The following BTBD8 variants were observed in gnomAD, a reference collection of about 807,000 sequenced individuals.
BTBD8 encodes the protein BTB/POZ domain-containing protein 8.
Under a neutral mutation model 162.9 loss-of-function variants are expected in BTBD8, and 110 were observed. The ratio of observed to expected loss-of-function variants is 0.68; its 90% CI spans 0.58 to 0.79. The LOEUF is 0.79. Among genes scored for constraint, BTBD8 ranks in the 30% least tolerant of loss-of-function variants. The pLI is 0.00. For missense variants in BTBD8, 1,905 were observed against 2,085.4 expected, an observed-to-expected ratio of 0.91 and a Z score of 1.68; for synonymous variants, 667 against 716.1, an observed-to-expected ratio of 0.93 and a Z score of 1.10.
At position 92,168,947 on chromosome 1, in the gene BTBD8, G is replaced by C. The variant is rs544838062; in HGVS notation, c.1525G>C (p.Glu509Gln). ...VQSFYAVRHT[E>Q]SWKLMSTDDQ... is the part of the protein sequence containing the mutation. ...GTCTTTCTATGCTGTTCGTCACACAGAAAGCTGGAAGCTGATGAGCACAGA... is the reference window on the plus strand; with the variant it reads ...GTCTTTCTATGCTGTTCGTCACACACAAAGCTGGAAGCTGATGAGCACAGA... Residue 509 changes from glutamate (E) to glutamine (Q), a missense_variant, in exon 12 of 18, where the codon GAA becomes CAA. Around this residue, in one of 3 missense-constraint regions of BTBD8, gnomAD observed 1,374 missense variants for 1,442.7 expected, o/e 0.95. Transcript: ENST00000636805. 20 of 1,543,730 alleles carry C rather than the reference G, an allele frequency of 1.3e-5. No homozygotes were observed. Among genetic ancestry groups the C allele is most frequent in the Non-Finnish European group, 1.6e-5 (18 of 1,141,164 alleles).
At chr1:92,180,063 A>G (rs1650838154) in intron 16 of BTBD8, among the ~76,000 whole-genome samples, 1 of 152,024 alleles carries the variant, frequency 6.6e-6, no homozygotes, top group African/African-American at 2.4e-5. Context: ...GTCCCTCTAT[A>G]TTTTTAATTG....
In BTBD8 at chr1:92,168,858, G is replaced by T; in HGVS notation, c.1444-8G>T. ...CTCACCAGCTGCTGATTTGTTGCTTGAACACAGGGTTTTACGTGCAAGATC... is the reference window on the plus strand; with the variant it reads ...CTCACCAGCTGCTGATTTGTTGCTTTAACACAGGGTTTTACGTGCAAGATC... On this transcript the variant is annotated splice_polypyrimidine_tract_variant and splice_region_variant and intron_variant, in intron 11 of 17. Coordinates refer to ENST00000636805, the MANE Select transcript of BTBD8 (RefSeq NM_001376131.1). 2 of 1,503,582 alleles carry T rather than the reference G, an allele frequency of 1.3e-6. No individual in the cohort carries two copies. The highest frequency in any genetic ancestry group is 2.5e-5 in the South Asian group (2 of 78,748). 93.1% of individuals were successfully genotyped at this position (1,503,582 alleles called of 1,614,324 possible). A position where few individuals can be genotyped will look rare whatever the true frequency, so the allele number is the denominator to read the frequency against.
intron 3 of BTBD8, among the ~76,000 whole-genome samples, chr1:92,104,937 A>ATTT (rs11430885): frequency 3.4e-5 from 5 of 147,708 alleles, no homozygotes; most frequent in East Asian, 2.0e-4. Flanking sequence ...CCTTATTATT[A>ATTT]TTTTTTTTTT....
chr1:92,130,335 G>A (rs1464016612), intron 5 of BTBD8, among the ~76,000 whole-genome samples: 5 of 152,038 alleles, frequency 3.3e-5, no homozygotes, highest in African/African-American at 1.2e-4. Flanking sequence ...AGACATTTCA[G>A]TTCATAACAG....
At chr1:92,160,416 C>T (rs946704042) in intron 9 of BTBD8, among the ~76,000 whole-genome samples, 2 of 151,924 alleles carry the variant, frequency 1.3e-5, no homozygotes, top group African/African-American at 2.4e-5. Context: ...TTTTCCTTGA[C>T]TCTCTTTGTA....
intron 4 of BTBD8, among the ~76,000 whole-genome samples, chr1:92,109,187 C>T (rs1025716824): frequency 2.0e-5 from 3 of 151,102 alleles, no homozygotes; most frequent in Non-Finnish European, 2.9e-5. Context: ...TTATATTTTC[C>T]GTATCATGGG....
At chr1:92,148,997 A>T (rs886711993) in intron 9 of BTBD8, among the ~76,000 whole-genome samples, 4 of 152,218 alleles carry the variant, frequency 2.6e-5, no homozygotes, top group Non-Finnish European at 4.4e-5. Flanking sequence ...ATTTTTCAGG[A>T]ATAAAGTTTG....
rs1374868668 is a variant in BTBD8 at position 92,177,501 on chromosome 1, C to T, written c.2308C>T (p.Gln770Ter). ...HKLSFCDSPGQMMKNSVDSVK... is the reference protein window; with the variant it reads ...HKLSFCDSPG ...ACTATCCTTTTGTGATTCTCCAGGA[C>T]AGATGATGAAAAACAGTGTAGATAG... Residue 770 changes from glutamine to a stop codon, truncating the protein, a stop_gained, in exon 14 of 18, where the codon CAG becomes TAG. Coordinates refer to ENST00000636805, the MANE Select transcript of BTBD8 (RefSeq NM_001376131.1). LOFTEE classifies it high-confidence loss of function. 6.5e-7 allele frequency: 1 copy of T among 1,550,206 alleles called. No individual in the cohort carries two copies. Among genetic ancestry groups the T allele is most frequent in the Non-Finnish European group, 8.7e-7 (1 of 1,146,620 alleles).
chr1:92,156,939 ATATT>A (rs891709839), intron 9 of BTBD8, among the ~76,000 whole-genome samples: 4 of 150,454 alleles, frequency 2.7e-5, no homozygotes, highest in African/African-American at 9.8e-5. Flanking sequence ...TTCTGCTCTA[ATATT>A]TATTTTTTTT....
Position 92,184,196 on chromosome 1 carries a change from G to A in BTBD8, c.5245G>A (p.Asp1749Asn). ...SSKPQGITHI[D>N]TLNRWSELTS... ...AAAACCTCAGGGTATAACACATATTGACACTTTGAACAGATGGAGTGAACT... is the reference window on the plus strand; with the variant it reads ...AAAACCTCAGGGTATAACACATATTAACACTTTGAACAGATGGAGTGAACT... Residue 1749 changes from aspartate (D) to asparagine (N), a missense_variant, in exon 18 of 18, where the codon GAC becomes AAC. This residue lies in a region of BTBD8 where 517 missense variants were observed against 606.6 expected (regional missense o/e 0.85). Coordinates refer to ENST00000636805, the MANE Select transcript of BTBD8 (RefSeq NM_001376131.1). 6.4e-7 allele frequency: 1 copy of A among 1,551,518 alleles called. No individual in the cohort carries two copies. The highest frequency in any genetic ancestry group is 8.7e-7 in the Non-Finnish European group (1 of 1,146,844).
At chr1:92,085,844 C>T (rs1424256123) in intron 1 of BTBD8, among the ~76,000 whole-genome samples, 2 of 152,110 alleles carry the variant, frequency 1.3e-5, no homozygotes, top group African/African-American at 4.8e-5. Flanking sequence ...GACCCAACAC[C>T]AGGCCTTTGG....
chr1:92,137,068 G>A (rs1649651335), intron 5 of BTBD8, among the ~76,000 whole-genome samples: 1 of 152,188 alleles, frequency 6.6e-6, no homozygotes, highest in Non-Finnish European at 1.5e-5. Flanking sequence ...TATGTGCTAA[G>A]ACATGGATGT....
At chr1:92,162,899 G>A (rs560928337) in intron 9 of BTBD8, among the ~76,000 whole-genome samples, 3 of 152,218 alleles carry the variant, frequency 2.0e-5, no homozygotes, top group South Asian at 2.1e-4. Flanking sequence ...AAGTCATTAC[G>A]ACATCATAGC....
intron 9 of BTBD8, among the ~76,000 whole-genome samples, chr1:92,152,004 A>G (rs1055420344): frequency 6.6e-6 from 1 of 152,118 alleles, no homozygotes; most frequent in Non-Finnish European, 1.5e-5. Flanking sequence ...TTTTTGTGAA[A>G]TTTAGCATAA....
chr1:92,117,533 A>G (rs904844898), intron 4 of BTBD8, among the ~76,000 whole-genome samples: 4 of 151,944 alleles, frequency 2.6e-5, no homozygotes, highest in African/African-American at 9.7e-5. Flanking sequence ...GGCCGGAAGG[A>G]ACTTGAATAT....
chr1:92,113,504 T>C (rs1648951602), intron 4 of BTBD8, among the ~76,000 whole-genome samples: 1 of 152,152 alleles, frequency 6.6e-6, no homozygotes, highest in Non-Finnish European at 1.5e-5. Flanking sequence ...GCAGTGGAGT[T>C]CCAAGAAAAG....
At position 92,168,803 on chromosome 1, in the gene BTBD8, A is replaced by G. The variant is rs555674305; in HGVS notation, c.1444-63A>G. ...TAGGAGTAAGTAGATTCTGAAAGGA[A>G]TAATGACTGGTTGCTATGACAATGT... On this transcript the variant is annotated intron_variant, in intron 11 of 17. Coordinates refer to ENST00000636805, the MANE Select transcript of BTBD8 (RefSeq NM_001376131.1). 3.0e-5 allele frequency: 42 copies of G among 1,422,196 alleles called. No homozygotes were observed. In the South Asian group the frequency reaches 6.4e-4, roughly 22 times the overall value. 88.1% of individuals were successfully genotyped at this position (1,422,196 alleles called of 1,614,324 possible).
At chr1:92,147,957 A>C (rs1199245892) in intron 9 of BTBD8, 171 bp downstream of exon 9, 6 of 592,180 alleles carry the variant, frequency 1.0e-5, no homozygotes, top group Middle Eastern at 4.6e-4. Context: ...ACCACTCTGC[A>C]TACCCAGCTC....
chr1:92,152,537 A>G (rs1189834086), intron 9 of BTBD8, among the ~76,000 whole-genome samples: 1 of 152,190 alleles, frequency 6.6e-6, no homozygotes, highest in East Asian at 1.9e-4. Flanking sequence ...AAATGTAACC[A>G]GGGATATGGA....
Sources: allele counts gnomAD v4.1 joint callset (sites outside exome capture counted in the v4.1 genomes callset), GRCh38; gene constraint gnomAD v4.1.1; regional missense constraint gnomAD v4.1.1; transcripts MANE v1.5; gene names NCBI Gene and HGNC (gene_info 2026-07-23, HGNC 2026-07-21).